The following CARF variants were observed in gnomAD, a reference collection of about 807,000 sequenced individuals.
The protein encoded by CARF is calcium responsive transcription factor.
In CARF, 57 loss-of-function variants were observed where a neutral mutation model predicts 82.0. The observed-to-expected ratio is 0.70, with a 90% CI of 0.56 to 0.87. The LOEUF (loss-of-function observed/expected upper bound fraction) is 0.87. Among genes scored for constraint, CARF ranks in the 40% least tolerant of loss-of-function variants. The pLI, the probability that CARF is intolerant of heterozygous loss-of-function variation, is 0.00. For synonymous variants in CARF, 268 were observed against 290.1 expected (o/e 0.92, Z 0.77); for missense variants, 771 against 855.8 (o/e 0.90, Z 1.24).
rs2059793789 is a variant in CARF, at chr2:202,971,613, G to C, written c.1206G>C (p.Glu402Asp). The C allele has an allele frequency of 6.2e-7, 1 of 1,613,566 alleles. No individual in the cohort carries two copies. Residue 402 changes from glutamate to aspartate, a missense_variant, in exon 12 of 17, where the codon GAG (glutamate) becomes GAC (aspartate). Physicochemically the swap from Glu to Asp is conservative, Grantham distance 45. Transcript: ENST00000438828. ...TTCCTGTGTCTTCTCTTGAAGAAGA[G>C]GAAACTGCAGTTAGAGATGAGAATT... ...SPFPVSSLEE[E>D]ETAVRDENCA...
At chr2:202,928,378 G>A (rs141614525) in intron 3 of CARF, among the ~76,000 whole-genome samples, 4 of 151,878 alleles carry the variant, frequency 2.6e-5, no homozygotes, top group East Asian at 1.9e-4. Context: ...ATCTGTTTAC[G>A]GACACTTAGG....
chr2:202,943,271 A>G lies in CARF; in HGVS notation c.306+304A>G, dbSNP rs562943323. Reference sequence around the variant, plus strand: ...GTATTTTTAATAGAGACAGGATTTCACCATGTTGGCCAGGCTGGCCTCAAA... The same window carrying G: ...GTATTTTTAATAGAGACAGGATTTCGCCATGTTGGCCAGGCTGGCCTCAAA... On this transcript the variant is annotated intron_variant, in intron 5 of 16. Transcript: ENST00000438828. Among the ~76,000 whole-genome samples the G allele has an allele frequency of 3.3e-5, 5 of 152,122 alleles. No homozygotes were observed. In the South Asian group the frequency reaches 1.0e-3, roughly 32 times the overall value.
chr2:202,912,310 C>T lies in CARF; in HGVS notation c.-1122C>T. On this transcript the variant is annotated 5_prime_UTR_variant, in exon 1 of 17. Coordinates refer to ENST00000438828, the MANE Select transcript of CARF (RefSeq NM_024744.17). ...TATGCTGGTCTCCATGGCGGGGCCT[C>T]GGAGCCAAGACGAGGTTGAGTAGAC... 6.6e-6 allele frequency: 1 copy of T among 152,226 alleles called. No individual in the cohort carries two copies. The highest frequency in any genetic ancestry group is 1.9e-4 in the East Asian group (1 of 5,180). 9.4% of individuals were successfully genotyped at this position (152,226 alleles called of 1,614,324 possible). A position where few individuals can be genotyped will look rare whatever the true frequency, so the allele number is the denominator to read the frequency against.
chr2:202,956,158 T>G (rs1409866325), intron 8 of CARF, among the ~76,000 whole-genome samples: 3 of 152,130 alleles, frequency 2.0e-5, no homozygotes, highest in Non-Finnish European at 4.4e-5. Context: ...ATATTTTGTC[T>G]TTTGGAGCAC....
chr2:202,965,691 AT>A (rs2059519324), intron 9 of CARF, among the ~76,000 whole-genome samples: 1 of 152,098 alleles, frequency 6.6e-6, no homozygotes, highest in Non-Finnish European at 1.5e-5. Context: ...AAGTTTTTAT[AT>A]TTTAATGTCA....
intron 2 of CARF, among the ~76,000 whole-genome samples, chr2:202,920,024 T>C (rs939963598): frequency 2.0e-5 from 3 of 152,228 alleles, no homozygotes. Context: ...TCTTTTTCTA[T>C]AAAATGATGA....
chr2:202,982,094 A>T lies in CARF; in HGVS notation c.1712A>T (p.Tyr571Phe), dbSNP rs72932557. Reference sequence around the variant, plus strand: ...AAGGGTTTGCAGTTACAACCAAGGTACACCTCTCCTGATGAATCACCAGCT... The same window carrying T: ...AAGGGTTTGCAGTTACAACCAAGGTTCACCTCTCCTGATGAATCACCAGCT... The part of the protein sequence containing the change: ...QLQGLQLQPR[Y>F]TSPDESPAVV... The change falls in exon 16 of 17, where the codon TAC (tyrosine) becomes TTC (phenylalanine). Residue 571 changes from tyrosine (Y) to phenylalanine (F), a missense_variant. Coordinates refer to ENST00000438828, the MANE Select transcript of CARF (RefSeq NM_024744.17). 0.11 allele frequency: 179,423 copies of T among 1,613,526 alleles called. 11,321 individuals are homozygous for T. The highest frequency in any genetic ancestry group is 0.13 in the Non-Finnish European group (151,013 of 1,179,642).
rs1334453319 is a variant in CARF at position 202,971,717 on chromosome 2, A to C, written c.1310A>C (p.Tyr437Ser). 2 of 1,612,274 alleles carry C rather than the reference A, an allele frequency of 1.2e-6. No individual in the cohort carries two copies. Among genetic ancestry groups the C allele is most frequent in the East Asian group, 4.5e-5 (2 of 44,754 alleles). Reference sequence around the variant, plus strand: ...GTATCACAGGGAATAGAACAAGTGTATGCAGTAAGGAAACAGCTAAGGTAC... The same window carrying C: ...GTATCACAGGGAATAGAACAAGTGTCTGCAGTAAGGAAACAGCTAAGGTAC... Reference protein sequence around the residue: ...ELVSQGIEQVYAVRKQLRKFV... With the variant: ...ELVSQGIEQVSAVRKQLRKFV... The change falls in exon 12 of 17, where the codon TAT (tyrosine) becomes TCT (serine). Residue 437 changes from tyrosine (Y) to serine (S), a missense_variant. By Grantham distance (144) the Tyr-to-Ser change is moderately radical (BLOSUM62 -2). Coordinates refer to ENST00000438828, the MANE Select transcript of CARF (RefSeq NM_024744.17).
Position 202,918,484 on chromosome 2 carries a change from AGT to A in CARF, c.-163+443_-163+444del, listed in dbSNP as rs1690161684. Reference sequence around the variant, plus strand: ...TGCAGTGAGCCGAGAGCTTGCAGTGAGTGCCACTGCACTCCAGTACTGGGTGA... The same window carrying A: ...TGCAGTGAGCCGAGAGCTTGCAGTGAGCCACTGCACTCCAGTACTGGGTGA... On this transcript the variant is annotated intron_variant, in intron 2 of 16. Transcript: ENST00000438828. Among the ~76,000 whole-genome samples the A allele has an allele frequency of 4.6e-5, 7 of 152,148 alleles. No individual in the cohort carries two copies. The South Asian group carries it at 1.5e-3, about 32-fold the overall frequency.
At position 202,952,541 on chromosome 2, in the gene CARF, T is replaced by G. The variant is rs749350061; in HGVS notation, c.307-18T>G. The G allele has an allele frequency of 6.2e-7, 1 of 1,610,956 alleles. No individual in the cohort carries two copies. Among genetic ancestry groups the G allele is most frequent in the South Asian group, 1.1e-5 (1 of 90,620 alleles). ...TCTAGGCATATGCATTTGATTTTTTTTTTTTAATGCTTCCAAGATGATCGT... is the reference window on the plus strand; with the variant it reads ...TCTAGGCATATGCATTTGATTTTTTGTTTTTAATGCTTCCAAGATGATCGT... On this transcript the variant is annotated intron_variant, in intron 5 of 16. Coordinates refer to ENST00000438828, the MANE Select transcript of CARF (RefSeq NM_024744.17).
chr2:202,976,086 TA>T (rs1553575416), intron 13 of CARF, among the ~76,000 whole-genome samples: 21 of 151,878 alleles, frequency 1.4e-4, no homozygotes, highest in South Asian at 4.2e-4. Flanking sequence ...CATCCATCCA[TA>T]CATACATACA....
At chr2:202,920,088 T>C (rs1297615734) in intron 2 of CARF, among the ~76,000 whole-genome samples, 4 of 152,288 alleles carry the variant, frequency 2.6e-5, no homozygotes, top group Non-Finnish European at 5.9e-5. Context: ...TAATTCTAGC[T>C]AATAATTATT....
At chr2:202,979,171 C>T (rs899182911) in intron 14 of CARF, among the ~76,000 whole-genome samples, 2 of 151,988 alleles carry the variant, frequency 1.3e-5, no homozygotes, top group African/African-American at 4.8e-5. Flanking sequence ...GCAGGAGAAT[C>T]GCTTGAACCT....
intron 8 of CARF, among the ~76,000 whole-genome samples, chr2:202,957,531 C>T (rs967906829): frequency 1.3e-5 from 2 of 152,108 alleles, no homozygotes; most frequent in Non-Finnish European, 2.9e-5. Flanking sequence ...CTTCTACTTA[C>T]CATTTCTAAC....
rs980549962 is a variant in CARF, at chr2:202,917,557, A to G, written c.-329-320A>G. On this transcript the variant is annotated intron_variant, in intron 1 of 16. Coordinates refer to ENST00000438828, the MANE Select transcript of CARF (RefSeq NM_024744.17). ...TGGCTCCAAAAGATACCCTAATAGT[A>G]AGTATTTTCATTGATGAAAAATGTA... Among the ~76,000 whole-genome samples the G allele has an allele frequency of 4.6e-5, 7 of 152,312 alleles. 1 individual carries two copies. The South Asian group carries it at 1.4e-3, about 32-fold the overall frequency.
At chr2:202,954,161 T>C (rs377638710) in intron 7 of CARF, 27 bp downstream of exon 7, 129 of 1,593,378 alleles carry the variant, frequency 8.1e-5, no homozygotes, top group Non-Finnish European at 8.0e-5. Flanking sequence ...GAGAAGCTCA[T>C]CTTTTAATAT....
chr2:202,930,840 CTCT>C (rs1174199319), intron 3 of CARF, among the ~76,000 whole-genome samples: 8 of 152,078 alleles, frequency 5.3e-5, no homozygotes, highest in Admixed American at 4.6e-4. Flanking sequence ...CCAACCCCTC[CTCT>C]TCTTCCTCTC....
chr2:202,953,966 A>G (rs2058896029), intron 6 of CARF, 39 bp from the exon 7 acceptor site: 1 of 1,558,158 alleles, frequency 6.4e-7, no homozygotes, highest in Admixed American at 2.0e-5. Context: ...GTCTTATTCA[A>G]GATATTGATG....
intron 5 of CARF, among the ~76,000 whole-genome samples, chr2:202,944,549 A>G (rs1346363999): frequency 6.6e-6 from 1 of 152,206 alleles, no homozygotes; most frequent in Non-Finnish European, 1.5e-5. Flanking sequence ...TCTAAATTCT[A>G]GGGTTAACAG....
Sources: allele counts gnomAD v4.1 joint callset (sites outside exome capture counted in the v4.1 genomes callset), GRCh38; gene constraint gnomAD v4.1.1; transcripts MANE v1.5; gene names NCBI Gene and HGNC (gene_info 2026-07-23, HGNC 2026-07-21).